Variants in FBN2 observed in about 807,000 individuals in gnomAD.
FBN2 encodes the protein fibrillin-2.
FBN2 carries 105 observed loss-of-function variants against 355.6 expected under a neutral mutation model. That is an observed-to-expected ratio of 0.30 (90% CI 0.25 to 0.35). The LOEUF is 0.35. Among genes scored for constraint, FBN2 ranks in the 10% least tolerant of loss-of-function variants. The probability of loss-of-function intolerance (pLI) is 1.00; values close to 1 mark genes in which losing one functional copy is unlikely to be tolerated. For synonymous variants in FBN2, 1,350 were observed against 1,301.2 expected (o/e 1.04, Z -0.81); for missense variants, 3,280 against 3,758.7 (o/e 0.87, Z 3.33).
intron 7 of FBN2, among the ~76,000 whole-genome samples, chr5:128,417,125 G>GAATT (rs1202454536): frequency 6.6e-6 from 1 of 152,036 alleles, no homozygotes; most frequent in Non-Finnish European, 1.5e-5. Context: ...ATGGTAAATA[G>GAATT]AATTGCCTTT....
chr5:128,272,327 T>C (rs1765288569), intron 61 of FBN2, among the ~76,000 whole-genome samples: 1 of 151,944 alleles, frequency 6.6e-6, no homozygotes, highest in Non-Finnish European at 1.5e-5. Flanking sequence ...ACCAGCTCAT[T>C]CTTCTGCTCT....
intron 10 of FBN2, 152 bp from the exon 11 acceptor site, chr5:128,392,307 T>C (rs1040935829): frequency 1.4e-6 from 1 of 692,300 alleles, no homozygotes; most frequent in African/African-American, 1.8e-5. Flanking sequence ...GTGGAGAATC[T>C]AAAAAATATT....
intron 5 of FBN2, among the ~76,000 whole-genome samples, chr5:128,485,499 C>A (rs549691888): frequency 6.6e-6 from 1 of 151,938 alleles, no homozygotes; most frequent in East Asian, 1.9e-4. Context: ...TAAATTAGTC[C>A]TAATATGTTT....
Position 128,334,788 on chromosome 5 carries a change from T to C in FBN2, c.4030A>G (p.Thr1344Ala), listed in dbSNP as rs773119613. Residue 1344 changes from threonine to alanine, a missense_variant, in exon 31 of 65, where the codon ACA (threonine) becomes GCA (alanine). By Grantham distance (58) the Thr-to-Ala change is moderately conservative. Transcript: ENST00000262464. Reference protein sequence around the residue: ...NICMFGECENTKGSFICHCQL... With the variant: ...NICMFGECENAKGSFICHCQL... ...CAGTGGCAAATGAAGGATCCCTTTGTGTTCTCACATTCCCCAAACATGCAG... is the reference window on the plus strand; with the variant it reads ...CAGTGGCAAATGAAGGATCCCTTTGCGTTCTCACATTCCCCAAACATGCAG... 6.2e-7 allele frequency: 1 copy of C among 1,613,464 alleles called. No individual in the cohort carries two copies. Among genetic ancestry groups the C allele is most frequent in the Non-Finnish European group, 8.5e-7 (1 of 1,179,326 alleles).
rs949298933 is a variant in FBN2, at chr5:128,408,594, G to A, written c.1078+80C>T. On this transcript the variant is annotated intron_variant, in intron 8 of 64. Transcript: ENST00000262464. The stretch of plus-strand genomic sequence containing the variant: ...GCCATTTCTTCAATATTTTATAATC[G>A]TTGCCATCTTCATACCTGTTTGGGC... 80 of 1,499,538 alleles carry A rather than the reference G, an allele frequency of 5.3e-5. No homozygotes were observed. In the East Asian group the frequency reaches 1.2e-3, roughly 22 times the overall value. 92.9% of individuals were successfully genotyped at this position (1,499,538 alleles called of 1,614,324 possible). A position where few individuals can be genotyped will look rare whatever the true frequency, so the allele number is the denominator to read the frequency against.
Position 128,309,337 on chromosome 5 carries a change from A to C in FBN2, c.5263T>G (p.Phe1755Val). The change falls in exon 41 of 65, where the codon TTC (phenylalanine) becomes GTC (valine). Residue 1755 changes from phenylalanine (F) to valine (V), a missense_variant. Physicochemically the swap from Phe to Val is conservative, Grantham distance 50. Transcript: ENST00000262464. The stretch of plus-strand genomic sequence containing the variant: ...CAGCACATCCTTTTTGTCACATTGA[A>C]AGGCAACTCATTCTCACAAGTGGTT... ...NGTTCENELP[F>V]NVTKRMCCCT... 1 of 1,614,074 alleles carries C rather than the reference A, an allele frequency of 6.2e-7. No individual in the cohort carries two copies. Among genetic ancestry groups the C allele is most frequent in the Non-Finnish European group, 8.5e-7 (1 of 1,179,920 alleles).
intron 62 of FBN2, among the ~76,000 whole-genome samples, chr5:128,264,486 T>G (rs1164191360): frequency 6.6e-6 from 1 of 152,240 alleles, no homozygotes; most frequent in Non-Finnish European, 1.5e-5. Flanking sequence ...GCAGGATAAT[T>G]ATAGGTTATA....
chr5:128,392,182 T>C, intron 10 of FBN2, 27 bp from the exon 11 acceptor site: 3 of 1,602,412 alleles, frequency 1.9e-6, no homozygotes, highest in Non-Finnish European at 2.6e-6. Flanking sequence ...CACAATTATA[T>C]TTAATCATTA....
intron 19 of FBN2, among the ~76,000 whole-genome samples, chr5:128,359,629 A>T (rs1751587692): frequency 6.6e-6 from 1 of 152,120 alleles, no homozygotes. Context: ...TTTCCTATGA[A>T]TGACAGACAT....
intron 9 of FBN2, among the ~76,000 whole-genome samples, chr5:128,393,611 CAT>C (rs1752577777): frequency 6.6e-6 from 1 of 152,214 alleles, no homozygotes; most frequent in Non-Finnish European, 1.5e-5. Flanking sequence ...CAATCATTTA[CAT>C]GTGTATTTTT....
chr5:128,378,956 A>G, intron 11 of FBN2, 66 bp from the exon 12 acceptor site: 1 of 1,585,032 alleles, frequency 6.3e-7, no homozygotes, highest in East Asian at 2.2e-5. Context: ...TTTAAAGTAC[A>G]TTTAGTCCTC....
chr5:128,395,468 T>C (rs748654311), intron 8 of FBN2, among the ~76,000 whole-genome samples, 194 bp from the exon 9 acceptor site: 11 of 152,162 alleles, frequency 7.2e-5, no homozygotes, highest in Non-Finnish European at 1.5e-4. Context: ...GTGGAGCAGA[T>C]AGGAGGACAG....
chr5:128,496,768 A>C (rs556537934), intron 5 of FBN2, among the ~76,000 whole-genome samples: 1 of 151,780 alleles, frequency 6.6e-6, no homozygotes, highest in Non-Finnish European at 1.5e-5. Context: ...TAAAATATAC[A>C]TTATGAAAAA....
At chr5:128,462,692 T>C (rs576263307) in intron 6 of FBN2, among the ~76,000 whole-genome samples, 1 of 152,242 alleles carries the variant, frequency 6.6e-6, no homozygotes, top group East Asian at 1.9e-4. Context: ...ATAATTGTGT[T>C]TGGGAAAAAA....
intron 5 of FBN2, among the ~76,000 whole-genome samples, chr5:128,475,365 G>A (rs1754981850): frequency 6.6e-6 from 1 of 152,082 alleles, no homozygotes. Context: ...TCTCTCTTTA[G>A]TTCAGGAGAG....
chr5:128,282,894 A>G (rs1193621475), intron 55 of FBN2, among the ~76,000 whole-genome samples: 1 of 152,168 alleles, frequency 6.6e-6, no homozygotes, highest in Non-Finnish European at 1.5e-5. Flanking sequence ...AACAGGCTTC[A>G]TTTCAATGAG....
chr5:128,263,387 T>G (rs370553062), intron 63 of FBN2, 38 bp downstream of exon 63: 1 of 1,481,774 alleles, frequency 6.7e-7, no homozygotes, highest in African/African-American at 1.4e-5. Flanking sequence ...TCAGGAACCA[T>G]GTATTCCTCT....
intron 6 of FBN2, among the ~76,000 whole-genome samples, chr5:128,452,469 G>A (rs113141915): frequency 5.3e-5 from 8 of 151,920 alleles, no homozygotes; most frequent in African/African-American, 9.7e-5. Context: ...CAAATTCTCC[G>A]TGTAAACTTG....
chr5:128,341,577 T>C (rs1345140050), intron 25 of FBN2, among the ~76,000 whole-genome samples: 1 of 152,196 alleles, frequency 6.6e-6, no homozygotes, highest in Non-Finnish European at 1.5e-5. Flanking sequence ...TATCCCAAGA[T>C]TGGTCCTGCA....
Sources: allele counts gnomAD v4.1 joint callset (sites outside exome capture counted in the v4.1 genomes callset), GRCh38; gene constraint gnomAD v4.1.1; transcripts MANE v1.5; gene names NCBI Gene and HGNC (gene_info 2026-07-23, HGNC 2026-07-21).